CADM2: variants seen among roughly 807,000 people sequenced by gnomAD.
The protein encoded by CADM2 is immunoglobulin superfamily member 4D.
Under a neutral mutation model 49.8 loss-of-function variants are expected in CADM2, and 12 were observed. That is an observed-to-expected ratio of 0.24 (90% CI 0.15 to 0.39). The LOEUF (loss-of-function observed/expected upper bound fraction) is 0.39, where lower values mean the gene tolerates loss of function less well. Ranked by LOEUF, CADM2 falls within the 10% of genes least tolerant of loss-of-function variation. The pLI is 1.00. For missense variants in CADM2, 378 were observed against 492.3 expected (o/e 0.77, Z 2.20); for synonymous variants, 214 against 175.4 (o/e 1.22, Z -1.74).
chr3:85,778,559 TGAA>T (rs1247674933), intron 2 of CADM2, among the ~76,000 whole-genome samples: 3 of 152,110 alleles, frequency 2.0e-5, no homozygotes, highest in Non-Finnish European at 4.4e-5. Flanking sequence ...TGCCACTCTG[TGAA>T]GAAGGTTTCT....
At chr3:85,455,091 T>C (rs2037931652) in intron 1 of CADM2, among the ~76,000 whole-genome samples, 1 of 152,206 alleles carries the variant, frequency 6.6e-6, no homozygotes, top group Non-Finnish European at 1.5e-5. Flanking sequence ...GATAATATCG[T>C]AAATTAGTTA....
At chr3:85,120,884 GA>G (rs2038840612) in intron 1 of CADM2, among the ~76,000 whole-genome samples, 1 of 152,156 alleles carries the variant, frequency 6.6e-6, no homozygotes, top group Non-Finnish European at 1.5e-5. Context: ...CAGCTGGTAA[GA>G]TTCACTCGAC....
At chr3:85,795,799 A>C (rs1344808326) in intron 2 of CADM2, among the ~76,000 whole-genome samples, 1 of 152,242 alleles carries the variant, frequency 6.6e-6, no homozygotes, top group East Asian at 1.9e-4. Context: ...TTAAAGTTTC[A>C]AATGGTGACT....
At position 85,394,947 on chromosome 3, in the gene CADM2, T is replaced by C. The variant is rs1017181869; in HGVS notation, c.62-331575T>C. On this transcript the variant is annotated intron_variant, in intron 1 of 9. Coordinates refer to ENST00000383699, the MANE Select transcript of CADM2 (RefSeq NM_001167675.2). Reference sequence around the variant, plus strand: ...TACATTTATTGATCTTCACAAAACTTTTCCCATAGTTTTCTCCTAAAATAT... The same window carrying C: ...TACATTTATTGATCTTCACAAAACTCTTCCCATAGTTTTCTCCTAAAATAT... Among the ~76,000 whole-genome samples the C allele has an allele frequency of 4.6e-5, 7 of 152,290 alleles. 2 individuals carry two copies. The highest frequency in any genetic ancestry group is 4.6e-4 in the Admixed American group (7 of 15,292).
intron 1 of CADM2, among the ~76,000 whole-genome samples, chr3:85,368,261 C>T (rs143190967): frequency 1.6e-3 from 236 of 152,066 alleles, no homozygotes; most frequent in South Asian, 0.011. Context: ...CAGACCACTA[C>T]CTTCTGATGA....
chr3:84,979,743 A>G (rs2032052909), intron 1 of CADM2, among the ~76,000 whole-genome samples: 1 of 152,038 alleles, frequency 6.6e-6, no homozygotes. Context: ...TTAGATTTTT[A>G]TTAAGAAATA....
intron 1 of CADM2, among the ~76,000 whole-genome samples, chr3:85,249,233 A>G (rs1387148692): frequency 1.3e-5 from 2 of 152,126 alleles, no homozygotes; most frequent in African/African-American, 4.8e-5. Context: ...ACTTGTATTT[A>G]GACCAGGTAC....
chr3:85,923,557 AC>A (rs1272511039), intron 6 of CADM2, among the ~76,000 whole-genome samples: 3 of 151,554 alleles, frequency 2.0e-5, no homozygotes, highest in South Asian at 2.1e-4. Flanking sequence ...AAACAACAAA[AC>A]AAACAAACAC....
At chr3:85,673,046 G>A (rs1358080288) in intron 1 of CADM2, among the ~76,000 whole-genome samples, 2 of 152,134 alleles carry the variant, frequency 1.3e-5, no homozygotes, top group Admixed American at 1.3e-4. Flanking sequence ...CAGGCTTGCT[G>A]GGACTAAACT....
intron 8 of CADM2, chr3:85,979,012 G>A (rs779157361): frequency 9.4e-6 from 7 of 744,004 alleles, no homozygotes; most frequent in Non-Finnish European, 1.4e-5. Flanking sequence ...AAAATGACAA[G>A]AATTGTGTGA....
intron 3 of CADM2, among the ~76,000 whole-genome samples, chr3:85,837,428 T>TGG (rs1184284814): frequency 6.6e-6 from 1 of 151,634 alleles, no homozygotes; most frequent in Non-Finnish European, 1.5e-5. Context: ...AAAAAAACAG[T>TGG]TCCAGAGAGA....
At chr3:85,940,212 G>A (rs372592954) in intron 7 of CADM2, among the ~76,000 whole-genome samples, 5 of 148,382 alleles carry the variant, frequency 3.4e-5, no homozygotes, top group African/African-American at 4.9e-5. Context: ...GGTGGTGGGC[G>A]CCTGTAATCC....
intron 1 of CADM2, among the ~76,000 whole-genome samples, chr3:84,993,452 A>G (rs1559606890): frequency 6.6e-6 from 1 of 152,204 alleles, no homozygotes; most frequent in Non-Finnish European, 1.5e-5. Context: ...TGGGAGAGGA[A>G]GTGGTAGTAA....
chr3:85,212,550 A>T (rs2041804058), intron 1 of CADM2, among the ~76,000 whole-genome samples: 1 of 152,206 alleles, frequency 6.6e-6, no homozygotes, highest in East Asian at 1.9e-4. Context: ...ACAAGTAAAC[A>T]AATAAGCAAA....
At chr3:85,753,982 A>C (rs986349596) in intron 2 of CADM2, among the ~76,000 whole-genome samples, 2 of 152,100 alleles carry the variant, frequency 1.3e-5, no homozygotes, top group Non-Finnish European at 2.9e-5. Context: ...GCGTTCTTGC[A>C]GGGTCTGATT....
chr3:85,188,069 A>G (rs953673307), intron 1 of CADM2, among the ~76,000 whole-genome samples: 1 of 152,082 alleles, frequency 6.6e-6, no homozygotes, highest in Non-Finnish European at 1.5e-5. Flanking sequence ...TTTCAGTGTA[A>G]TGCTAGAAAT....
chr3:85,866,948 T>G (rs2108340080), intron 3 of CADM2, among the ~76,000 whole-genome samples: 1 of 152,236 alleles, frequency 6.6e-6, no homozygotes, highest in East Asian at 1.9e-4. Flanking sequence ...TGTGTGCAAT[T>G]TTTTAACAGG....
At position 85,340,406 on chromosome 3, in the gene CADM2, A is replaced by G. The variant is rs559599040; in HGVS notation, c.61+380738A>G. On this transcript the variant is annotated intron_variant, in intron 1 of 9. Transcript: ENST00000383699. ...CATTAGTCTTTTCCTGTAGTTGCTC[A>G]TAGATTAAGTGCTAATTCAATAAAA... Among the ~76,000 whole-genome samples the G allele has an allele frequency of 2.0e-5, 3 of 151,618 alleles. No homozygotes were observed. The South Asian group carries it at 6.2e-4, about 31-fold the overall frequency.
At chr3:85,596,909 C>G (rs1900917) in intron 1 of CADM2, among the ~76,000 whole-genome samples, 133,284 of 152,080 alleles carry the variant, frequency 0.88, 58,543 homozygotes, top group East Asian at 0.95. Context: ...TAGAGACAGG[C>G]TTTCGCCATG....
Sources: gnomAD v4.1 joint callset for allele counts (sites outside exome capture counted in the v4.1 genomes callset) on GRCh38, gnomAD v4.1.1 for gene constraint, MANE v1.5 for transcripts, NCBI Gene and HGNC (gene_info 2026-07-23, HGNC 2026-07-21) for gene names.